The following WDR86 variants were observed in gnomAD, a reference collection of about 807,000 sequenced individuals.
The protein encoded by WDR86 is WD repeat domain 86.
A neutral mutation model predicts 36.5 loss-of-function variants in WDR86; 30 were observed. That is an observed-to-expected ratio of 0.82 (90% CI 0.61 to 1.11). WDR86 has a LOEUF of 1.11. Among genes scored for constraint, WDR86 ranks in the 50% most tolerant of loss-of-function variants. The pLI, the probability that WDR86 is intolerant of heterozygous loss-of-function variation, is 0.00. For synonymous variants in WDR86, 255 were observed against 252.9 expected (o/e 1.01, Z -0.08); for missense variants, 545 against 561.2 (o/e 0.97, Z 0.29).
At chr7:151,391,420 T>C (rs1258927180) in intron 3 of WDR86, among the ~76,000 whole-genome samples, 1 of 152,144 alleles carries the variant, frequency 6.6e-6, no homozygotes, top group Non-Finnish European at 1.5e-5. Flanking sequence ...AAACTCCAAT[T>C]TCCTGAGTGG....
chr7:151,370,968 C>T (rs1016851858), downstream of WDR86, among the ~76,000 whole-genome samples: 7 of 152,186 alleles, frequency 4.6e-5, no homozygotes, highest in African/African-American at 1.4e-4. Context: ...TGTGACCAGC[C>T]GAGAGGCCAC....
At chr7:151,394,692 G>A (rs1177924218) in intron 3 of WDR86, among the ~76,000 whole-genome samples, 2 of 152,268 alleles carry the variant, frequency 1.3e-5, no homozygotes, top group Non-Finnish European at 2.9e-5. Flanking sequence ...TGGCAGCACT[G>A]TTCACGCATC....
At chr7:151,384,203 G>A (rs1426610293) in intron 4 of WDR86, among the ~76,000 whole-genome samples, 2 of 152,202 alleles carry the variant, frequency 1.3e-5, no homozygotes, top group East Asian at 1.9e-4. Flanking sequence ...CAAATGGCCC[G>A]AGAGTGTGAC....
upstream of WDR86, chr7:151,410,064 AC>A: frequency 1.0e-6 from 1 of 985,762 alleles, no homozygotes; most frequent in South Asian, 4.7e-5. Context: ...CTCAGAGACC[AC>A]CCCTCACCCG....
intron 3 of WDR86, among the ~76,000 whole-genome samples, chr7:151,394,520 C>T (rs1198481748): frequency 6.6e-6 from 1 of 152,228 alleles, no homozygotes; most frequent in Admixed American, 6.5e-5. Context: ...AGGGGTCGGA[C>T]CTGCCCTGGA....
downstream of WDR86, chr7:151,374,450 G>T: frequency 1.5e-6 from 1 of 660,990 alleles, no homozygotes; most frequent in Non-Finnish European, 2.6e-6. Flanking sequence ...CTTGGCCCAG[G>T]CCTGGCTCCA....
intron 3 of WDR86, among the ~76,000 whole-genome samples, chr7:151,386,871 G>T (rs576178665): frequency 1.3e-5 from 2 of 152,250 alleles, no homozygotes; most frequent in East Asian, 1.9e-4. Context: ...CTCTGGGCAC[G>T]TGCCTTCCTC....
chr7:151,374,026 C>A, downstream of WDR86: 1 of 1,463,570 alleles, frequency 6.8e-7, no homozygotes, highest in Non-Finnish European at 9.1e-7. Flanking sequence ...GAGAATCCTG[C>A]AGAGCGCAGA....
intron 2 of WDR86, among the ~76,000 whole-genome samples, chr7:151,398,371 CAT>C (rs887895509): frequency 1.6e-4 from 24 of 151,632 alleles, no homozygotes; most frequent in African/African-American, 1.2e-4. Context: ...TATGTGTGCA[CAT>C]GTGTATGTGT....
chr7:151,395,764 G>C lies in WDR86; in HGVS notation c.726+12C>G, dbSNP rs1398020286. On this transcript the variant is annotated intron_variant, in intron 3 of 5. Transcript: ENST00000334493. ...TCCCCTGGCTGCTGGGCGGGGACCA[G>C]GACAGTCTCACCTCCAGACAGATGA... is the stretch of plus-strand genomic sequence containing the variant. 2 of 1,545,930 alleles carry C rather than the reference G, an allele frequency of 1.3e-6. No individual in the cohort carries two copies. Among genetic ancestry groups the C allele is most frequent in the Non-Finnish European group, 1.7e-6 (2 of 1,145,558 alleles).
In WDR86 at chr7:151,381,602, C is replaced by G; in HGVS notation, c.1111G>C (p.Ala371Pro). Residue 371 changes from alanine (A) to proline (P), a missense_variant, in exon 6 of 6, where the codon GCG (alanine) becomes CCG (proline). Coordinates refer to ENST00000334493, the MANE Select transcript of WDR86 (RefSeq NM_198285.3). This position sits in a 1 kb window ranked among gnomAD's most constrained non-coding sequence, Gnocchi z 4.8. Reference protein sequence around the residue: ...LFSNKVGCAAAPLQPA With the variant: ...LFSNKVGCAAPPLQPA ...CGGGATCAGGCCGGCTGCAGGGGCG[C>G]GGCGGCGCAGCCCACCTTGTTGCTG... 1 of 1,371,864 alleles carries G rather than the reference C, an allele frequency of 7.3e-7. No individual in the cohort carries two copies. The highest frequency in any genetic ancestry group is 2.7e-4 in the Middle Eastern group (1 of 3,724). 85.0% of individuals were successfully genotyped at this position (1,371,864 alleles called of 1,614,324 possible).
rs532005799 is a variant in WDR86, at chr7:151,405,796, G to A, written c.163+3631C>T. 3.9e-5 allele frequency among the ~76,000 whole-genome samples: 6 copies of A among 152,230 alleles called. No individual in the cohort carries two copies. In the South Asian group the frequency reaches 1.0e-3, roughly 26 times the overall value. On this transcript the variant is annotated intron_variant, in intron 1 of 5. Transcript: ENST00000334493. The surrounding 1 kb of genome is among the most constrained non-coding windows in gnomAD (Gnocchi z 4.7). ...TTCACAGGGAGTCTCCTATGCCACC[G>A]GCTCCCAGCAAATGGGAATGTGGGG...
At chr7:151,408,499 A>T (rs1341185726) in intron 1 of WDR86, 2 of 172,222 alleles carry the variant, frequency 1.2e-5, no homozygotes, top group Admixed American at 1.1e-4. Flanking sequence ...AGCCTGGTCA[A>T]CTGTTCTTAT....
intron 1 of WDR86, among the ~76,000 whole-genome samples, chr7:151,400,501 C>T (rs1800206799): frequency 6.6e-6 from 1 of 152,174 alleles, no homozygotes; most frequent in African/African-American, 2.4e-5. Context: ...CCTGCCTCAG[C>T]CTCCTGAGTA....
At chr7:151,375,877 G>A, downstream of WDR86, 1 of 1,612,994 alleles carries the variant, frequency 6.2e-7, no homozygotes, top group Non-Finnish European at 8.5e-7. Context: ...AGATGTGGTG[G>A]TTAAATGATT....
intron 4 of WDR86, among the ~76,000 whole-genome samples, chr7:151,382,298 G>T (rs1798656550): frequency 6.6e-6 from 1 of 152,192 alleles, no homozygotes. Flanking sequence ...GGGGATAATC[G>T]TCAGGTCCTC....
chr7:151,376,800 C>T (rs1437825195), downstream of WDR86: 20 of 1,584,706 alleles, frequency 1.3e-5, no homozygotes, highest in African/African-American at 2.7e-5. Flanking sequence ...ACGTCCCCTT[C>T]TGACTCCGCA....
chr7:151,398,142 ATG>A (rs1278748933), intron 2 of WDR86, among the ~76,000 whole-genome samples: 2 of 152,100 alleles, frequency 1.3e-5, no homozygotes, highest in African/African-American at 2.4e-5. Context: ...GTATATGTGC[ATG>A]TGTGTTGTGT....
chr7:151,408,706 T>A (rs998499085), intron 1 of WDR86: 1 of 348,440 alleles, frequency 2.9e-6, no homozygotes, highest in Admixed American at 3.7e-5. Flanking sequence ...GGGCCAGAGC[T>A]GAAAGGGACC....
Sources: allele counts gnomAD v4.1 joint callset (sites outside exome capture counted in the v4.1 genomes callset), GRCh38; gene constraint gnomAD v4.1.1; non-coding constraint Gnocchi (gnomAD v3.1); transcripts MANE v1.5; gene names NCBI Gene and HGNC (gene_info 2026-07-23, HGNC 2026-07-21).